Variants in HHAT observed in about 807,000 individuals in gnomAD.
HHAT encodes protein-cysteine N-palmitoyltransferase HHAT.
Under a neutral mutation model 70.8 loss-of-function variants are expected in HHAT, and 47 were observed. The ratio of observed to expected loss-of-function variants is 0.66; its 90% confidence interval spans 0.53 to 0.85. The LOEUF is 0.85. HHAT is among the 40% of genes least tolerant of loss of function. HHAT has a pLI of 0.00. For missense variants in HHAT, 609 were observed against 604.8 expected (o/e 1.01, Z -0.07); for synonymous variants, 228 against 247.6 (o/e 0.92, Z 0.74).
intron 9 of HHAT, among the ~76,000 whole-genome samples, chr1:210,567,008 G>C (rs1654919396): frequency 6.6e-6 from 1 of 152,132 alleles, no homozygotes; most frequent in African/African-American, 2.4e-5. Context: ...GCTTCTATGG[G>C]GCTGGAGCCC....
chr1:210,668,032 TTACTC>T (rs1242591266), intron 11 of HHAT, among the ~76,000 whole-genome samples: 1 of 152,236 alleles, frequency 6.6e-6, no homozygotes, highest in African/African-American at 2.4e-5. Context: ...GTGAATTTGA[TTACTC>T]TACATATTTC....
chr1:210,436,017 T>G (rs1219509942), intron 7 of HHAT, among the ~76,000 whole-genome samples: 1 of 151,910 alleles, frequency 6.6e-6, no homozygotes, highest in East Asian at 1.9e-4. Context: ...TTTGAGGCCT[T>G]GCCTAGAATC....
Position 210,550,393 on chromosome 1 carries a change from G to A in HHAT, c.1043+37205G>A, listed in dbSNP as rs150181099. ...CTTCTCTCTGCCTTTTACCCTGTGTGTGTCCTTGGGTAAGTTATTTAAACT... is the reference window on the plus strand; with the variant it reads ...CTTCTCTCTGCCTTTTACCCTGTGTATGTCCTTGGGTAAGTTATTTAAACT... On this transcript the variant is annotated intron_variant, in intron 9 of 11. Transcript: ENST00000261458. 1.7e-3 allele frequency among the ~76,000 whole-genome samples: 258 copies of A among 149,332 alleles called. 17 individuals carry two copies. The highest frequency in any genetic ancestry group is 6.3e-3 in the African/African-American group (253 of 40,474).
chr1:210,572,688 G>A (rs1382478877), intron 9 of HHAT, among the ~76,000 whole-genome samples: 1 of 152,060 alleles, frequency 6.6e-6, no homozygotes, highest in Non-Finnish European at 1.5e-5. Flanking sequence ...GAGGCCAGGA[G>A]TTTGAAACCA....
At chr1:210,423,669 A>G (rs1050338240) in intron 7 of HHAT, among the ~76,000 whole-genome samples, 1 of 152,198 alleles carries the variant, frequency 6.6e-6, no homozygotes, top group African/African-American at 2.4e-5. Flanking sequence ...GCTTTCTTCT[A>G]GTATTTTTAT....
At chr1:210,472,798 T>A (rs956581964) in intron 8 of HHAT, among the ~76,000 whole-genome samples, 4 of 152,156 alleles carry the variant, frequency 2.6e-5, no homozygotes, top group African/African-American at 9.7e-5. Flanking sequence ...TATACATTGG[T>A]TTGGTCTGGA....
At chr1:210,454,556 A>G (rs563558361) in intron 7 of HHAT, among the ~76,000 whole-genome samples, 38 of 152,218 alleles carry the variant, frequency 2.5e-4, no homozygotes, top group Admixed American at 1.0e-3. Context: ...TTTGTCTCAA[A>G]AAAAAGCTCC....
chr1:210,624,811 A>G (rs1352119937), intron 11 of HHAT, among the ~76,000 whole-genome samples: 1 of 152,236 alleles, frequency 6.6e-6, no homozygotes, highest in Non-Finnish European at 1.5e-5. Flanking sequence ...CCAACTTGCT[A>G]CATCTTAAAA....
chr1:210,370,129 C>T (rs1243085767), intron 3 of HHAT, among the ~76,000 whole-genome samples: 3 of 150,486 alleles, frequency 2.0e-5, no homozygotes, highest in African/African-American at 4.9e-5. Context: ...CTTGATTCTA[C>T]CTTCACCTTA....
chr1:210,664,392 C>T (rs1048322432), intron 11 of HHAT, among the ~76,000 whole-genome samples: 1 of 152,134 alleles, frequency 6.6e-6, no homozygotes, highest in Non-Finnish European at 1.5e-5. Flanking sequence ...GCTGTCAGTG[C>T]CAGCTCAGTG....
At chr1:210,407,387 T>G (rs1053569749) in intron 6 of HHAT, among the ~76,000 whole-genome samples, 1 of 152,230 alleles carries the variant, frequency 6.6e-6, no homozygotes, top group Non-Finnish European at 1.5e-5. Flanking sequence ...AGCAGGAGAA[T>G]GACGCTGCAC....
At chr1:210,450,607 C>A (rs1267656917) in intron 7 of HHAT, among the ~76,000 whole-genome samples, 1 of 140,894 alleles carries the variant, frequency 7.1e-6, no homozygotes, top group Non-Finnish European at 1.5e-5. Flanking sequence ...CATTGTAAAT[C>A]TTTTTTTTTT....
At chr1:210,525,473 T>G (rs1196607337) in intron 9 of HHAT, among the ~76,000 whole-genome samples, 1 of 152,216 alleles carries the variant, frequency 6.6e-6, no homozygotes, top group Non-Finnish European at 1.5e-5. Context: ...CCTTGACGAT[T>G]ATGTTCCACA....
chr1:210,343,225 A>G (rs1206889545), intron 1 of HHAT, among the ~76,000 whole-genome samples: 1 of 151,846 alleles, frequency 6.6e-6, no homozygotes, highest in Non-Finnish European at 1.5e-5. Context: ...ACCAGTCATT[A>G]CCTCCTCCTC....
Position 210,612,739 on chromosome 1 carries a change from C to T in HHAT, c.1246-10787C>T, listed in dbSNP as rs959501019. On this transcript the variant is annotated intron_variant, in intron 10 of 11. Transcript: ENST00000261458. ...ACCTATATACCGTTTTCCACAGTGG[C>T]TCTACCATTTTACATTCTCACCAGC... 5.3e-5 allele frequency among the ~76,000 whole-genome samples: 8 copies of T among 152,266 alleles called. No individual in the cohort carries two copies. In the East Asian group the frequency reaches 7.7e-4, roughly 15 times the overall value.
chr1:210,371,182 C>T (rs2089541156), intron 3 of HHAT, among the ~76,000 whole-genome samples: 1 of 152,218 alleles, frequency 6.6e-6, no homozygotes, highest in South Asian at 2.1e-4. Flanking sequence ...GACAGAGTCT[C>T]ACTCTATTGC....
At chr1:210,363,030 T>C in intron 3 of HHAT, 111 bp downstream of exon 3, 1 of 908,308 alleles carries the variant, frequency 1.1e-6, no homozygotes, top group South Asian at 1.4e-5. Context: ...CAATCTGGAA[T>C]GAAGCACCCT....
chr1:210,467,435 C>G (rs2094129742), intron 8 of HHAT, among the ~76,000 whole-genome samples: 1 of 152,194 alleles, frequency 6.6e-6, no homozygotes, highest in African/African-American at 2.4e-5. Context: ...TCTAACTTTT[C>G]TCTTTAAGAA....
chr1:210,458,107 T>C (rs2093907532), intron 7 of HHAT, among the ~76,000 whole-genome samples: 1 of 152,176 alleles, frequency 6.6e-6, no homozygotes. Context: ...AGCATGGCCT[T>C]TGGAGAAGAT....
Sources: allele counts gnomAD v4.1 joint callset (sites outside exome capture counted in the v4.1 genomes callset), GRCh38; gene constraint gnomAD v4.1.1; transcripts MANE v1.5; gene names NCBI Gene and HGNC (gene_info 2026-07-23, HGNC 2026-07-21).